PCDHGA6: variants seen among roughly 807,000 people sequenced by gnomAD.
The protein encoded by PCDHGA6 is protocadherin gamma-A6.
A neutral mutation model predicts 60.6 loss-of-function variants in PCDHGA6; 41 were observed. The observed-to-expected ratio is 0.68, with a 90% confidence interval of 0.53 to 0.88. The LOEUF (loss-of-function observed/expected upper bound fraction) is 0.88. Ranked by LOEUF, PCDHGA6 falls within the 40% of genes least tolerant of loss-of-function variation. The pLI is 0.00. For missense variants in PCDHGA6, 1,312 were observed against 1,203.0 expected (o/e 1.09, Z -1.34); for synonymous variants, 594 against 524.4 (o/e 1.13, Z -1.81).
rs946798767 is a variant in PCDHGA6, at chr5:141,438,591, CATATATATAT to C, written c.2425-56180_2425-56171del. On this transcript the variant is annotated intron_variant, in intron 1 of 3. Transcript: ENST00000517434. The stretch of plus-strand genomic sequence containing the variant: ...TCTGATATACATACATACATACATA[CATATATATAT>C]ATATATATATATATATATATATATA... Among the ~76,000 whole-genome samples, 12 of 75,572 alleles carry C rather than the reference CATATATATAT, an allele frequency of 1.6e-4. No individual in the cohort carries two copies. The East Asian group carries it at 1.7e-3, about 11-fold the overall frequency. The allele number at this position is 75,572 out of a possible 152,430, so 49.6% of individuals were successfully genotyped here.
Position 141,486,092 on chromosome 5 carries a change from C to G in PCDHGA6, c.2425-8715C>G. ...TACTGGAAAGCTTACTCTTTTGGGG[C>G]CCCTAGACTTTGAGAGTGAGAATTA... On this transcript the variant is annotated intron_variant, in intron 1 of 3. Transcript: ENST00000517434. The surrounding 1 kb of genome is among the most constrained non-coding windows in gnomAD (Gnocchi z 5.0). The G allele has an allele frequency of 6.2e-7, 1 of 1,614,148 alleles. No individual in the cohort carries two copies. Among genetic ancestry groups the G allele is most frequent in the South Asian group, 1.1e-5 (1 of 91,080 alleles).
At chr5:141,427,615 A>G (rs1428096450) in intron 1 of PCDHGA6, 2 of 693,732 alleles carry the variant, frequency 2.9e-6, no homozygotes, top group Non-Finnish European at 5.3e-6. Context: ...GGTGAAGTCA[A>G]CGACAATGCT....
chr5:141,399,362 C>T (rs182743080), intron 1 of PCDHGA6: 5 of 1,613,990 alleles, frequency 3.1e-6, no homozygotes, highest in East Asian at 2.2e-5. Context: ...GAGCAAACCC[C>T]GGAGTACAAT....
rs561122870 is a variant in PCDHGA6 at position 141,439,444 on chromosome 5, C to T, written c.2425-55363C>T. On this transcript the variant is annotated intron_variant, in intron 1 of 3. Transcript: ENST00000517434. ...ATAAATTCCCAGGAATATTTTATTG[C>T]GGGAGCAAGACTGCACTGCTGCCTT... Among the ~76,000 whole-genome samples the T allele has an allele frequency of 3.0e-4, 46 of 152,264 alleles. 1 individual carries two copies. The South Asian group carries it at 6.2e-3, about 21-fold the overall frequency.
At position 141,486,383 on chromosome 5, in the gene PCDHGA6, C is replaced by A. The variant is rs757384186; in HGVS notation, c.2425-8424C>A. On this transcript the variant is annotated intron_variant, in intron 1 of 3. Transcript: ENST00000517434. The surrounding 1 kb of genome is among the most constrained non-coding windows in gnomAD (Gnocchi z 5.0). ...TGCCCTCAAGTCTGCCTTCAGGAAC[C>A]AGTTCTCCCTGGTGACTGCTGGACC... The A allele has an allele frequency of 6.2e-7, 1 of 1,614,040 alleles. No homozygotes were observed. Among genetic ancestry groups the A allele is most frequent in the East Asian group, 2.2e-5 (1 of 44,884 alleles).
chr5:141,394,447 A>T, intron 1 of PCDHGA6: 1 of 1,614,248 alleles, frequency 6.2e-7, no homozygotes, highest in Non-Finnish European at 8.5e-7. Flanking sequence ...CTCAGCAGCA[A>T]CATGTCACTG....
chr5:141,426,978 G>A (rs1383521288), intron 1 of PCDHGA6: 1 of 456,770 alleles, frequency 2.2e-6, no homozygotes, highest in Non-Finnish European at 4.4e-6. Flanking sequence ...TGAGGTCACT[G>A]ATGCCAACGA....
At chr5:141,385,281 C>T (rs761366864) in intron 1 of PCDHGA6, 6 of 1,613,348 alleles carry the variant, frequency 3.7e-6, no homozygotes, top group East Asian at 2.2e-5. Flanking sequence ...TGCTAACATC[C>T]GTAGATTTTC....
At chr5:141,423,163 G>A (rs758720418) in intron 1 of PCDHGA6, 2 of 1,613,480 alleles carry the variant, frequency 1.2e-6, no homozygotes, top group South Asian at 2.2e-5. Context: ...CCTCGTGGTG[G>A]CCGTCCAGGA....
intron 1 of PCDHGA6, chr5:141,387,691 G>C (rs1032902954): frequency 3.3e-5 from 28 of 840,822 alleles, no homozygotes; most frequent in Non-Finnish European, 4.7e-5. Context: ...GCCGCAGCGC[G>C]CTTTCCAGGG....
chr5:141,420,789 C>G (rs1403213574), intron 1 of PCDHGA6, among the ~76,000 whole-genome samples: 2 of 152,198 alleles, frequency 1.3e-5, no homozygotes, highest in Non-Finnish European at 2.9e-5. Flanking sequence ...ATTTTGAAAA[C>G]TTTTTAAAAA....
intron 1 of PCDHGA6, chr5:141,415,055 C>T (rs767474996): frequency 6.2e-7 from 1 of 1,613,400 alleles, no homozygotes; most frequent in African/African-American, 1.3e-5. Flanking sequence ...GGGGAGCACA[C>T]GGGCGAGGTG....
In PCDHGA6 at chr5:141,511,217, C is replaced by A. The variant is rs766814445; in HGVS notation, c.*44C>A. On this transcript the variant is annotated 3_prime_UTR_variant, in exon 4 of 4. Transcript: ENST00000517434. ...AGCCACAGGGCGGCCTCTCCCCAAC[C>A]AGCCCAGCTTCTCCTTACCTGCACC... The A allele has an allele frequency of 2.5e-6, 4 of 1,607,588 alleles. No homozygotes were observed. Among genetic ancestry groups the A allele is most frequent in the Non-Finnish European group, 3.4e-6 (4 of 1,177,026 alleles).
intron 1 of PCDHGA6, among the ~76,000 whole-genome samples, chr5:141,456,917 C>G (rs1005360691): frequency 2.6e-5 from 4 of 152,032 alleles, no homozygotes; most frequent in Non-Finnish European, 5.9e-5. Context: ...GAGCCGAGAT[C>G]GCACCACTGC....
Position 141,491,815 on chromosome 5 carries a change from C to T in PCDHGA6, c.2425-2992C>T. The T allele has an allele frequency of 6.7e-7, 1 of 1,485,264 alleles. No individual in the cohort carries two copies. Among genetic ancestry groups the T allele is most frequent in the African/African-American group, 1.4e-5 (1 of 70,622 alleles). The allele number at this position is 1,485,264 out of a possible 1,614,324, so 92.0% of individuals were successfully genotyped here. ...CCTCTCCGGCCGGCTTGGTCGCTGGCTGCGCTCCACCCGATTCTCGGGATC... is the reference window on the plus strand; with the variant it reads ...CCTCTCCGGCCGGCTTGGTCGCTGGTTGCGCTCCACCCGATTCTCGGGATC... On this transcript the variant is annotated intron_variant, in intron 1 of 3. Coordinates refer to ENST00000517434, the MANE Select transcript of PCDHGA6 (RefSeq NM_018919.3). This position sits in a 1 kb window ranked among gnomAD's most constrained non-coding sequence, Gnocchi z 6.9.
chr5:141,429,631 G>A (rs1272926056), intron 1 of PCDHGA6, among the ~76,000 whole-genome samples: 1 of 152,132 alleles, frequency 6.6e-6, no homozygotes, highest in Non-Finnish European at 1.5e-5. Context: ...TTTTCTCACA[G>A]CTACCTATAT....
intron 1 of PCDHGA6, among the ~76,000 whole-genome samples, chr5:141,443,131 A>G (rs1042010214): frequency 7.2e-5 from 11 of 152,144 alleles, no homozygotes; most frequent in Non-Finnish European, 1.6e-4. Context: ...GATTAAGAAC[A>G]CTATCATAAG....
intron 1 of PCDHGA6, chr5:141,402,874 C>T: frequency 2.7e-6 from 4 of 1,460,728 alleles, no homozygotes; most frequent in South Asian, 1.5e-5. Flanking sequence ...GATCACCATA[C>T]TTTGCAGGGT....
intron 1 of PCDHGA6, chr5:141,421,333 G>A (rs1458277535): frequency 2.5e-6 from 4 of 1,613,850 alleles, no homozygotes; most frequent in Admixed American, 1.7e-5. Flanking sequence ...CCGATATTCG[G>A]TGCCAGAAGA....
Sources: allele counts gnomAD v4.1 joint callset (sites outside exome capture counted in the v4.1 genomes callset), GRCh38; gene constraint gnomAD v4.1.1; non-coding constraint Gnocchi (gnomAD v3.1); transcripts MANE v1.5; gene names NCBI Gene and HGNC (gene_info 2026-07-23, HGNC 2026-07-21).